ZC3H3: variants seen among roughly 807,000 people sequenced by gnomAD.
The protein encoded by ZC3H3 is zinc finger CCCH domain-containing protein 3.
In ZC3H3, 36 loss-of-function variants were observed where a neutral mutation model predicts 77.3. The ratio of observed to expected loss-of-function variants is 0.47; its 90% CI spans 0.36 to 0.61. The LOEUF is 0.61. Among genes scored for constraint, ZC3H3 ranks in the 20% least tolerant of loss-of-function variants. The pLI, the probability that ZC3H3 is intolerant of heterozygous loss-of-function variation, is 0.00. For missense variants in ZC3H3, 1,331 were observed against 1,312.2 expected (o/e 1.01, Z -0.22); for synonymous variants, 626 against 555.2 (o/e 1.13, Z -1.79).
At chr8:143,527,885 G>T (rs1038903679) in intron 3 of ZC3H3, among the ~76,000 whole-genome samples, 1 of 152,188 alleles carries the variant, frequency 6.6e-6, no homozygotes, top group African/African-American at 2.4e-5. Context: ...TTCACAGATA[G>T]GGCACCGAGC....
At chr8:143,510,632 G>A (rs1379558237) in intron 3 of ZC3H3, among the ~76,000 whole-genome samples, 3 of 152,234 alleles carry the variant, frequency 2.0e-5, no homozygotes, top group African/African-American at 7.2e-5. Context: ...GTGGGCAGGT[G>A]GCAAGGCTTG....
Position 143,470,857 on chromosome 8 carries a change from G to A in ZC3H3, c.1904-2198C>T, listed in dbSNP as rs1463512599. Among the ~76,000 whole-genome samples the A allele has an allele frequency of 2.0e-5, 3 of 152,310 alleles. No individual in the cohort carries two copies. In the East Asian group the frequency reaches 5.8e-4, roughly 29 times the overall value. ...AGGGCTGCCTGAGAAGTGCTAAAAAGTTCAACTGAATAACCCCCAGCAGCT... is the reference window on the plus strand; with the variant it reads ...AGGGCTGCCTGAGAAGTGCTAAAAAATTCAACTGAATAACCCCCAGCAGCT... On this transcript the variant is annotated intron_variant, in intron 5 of 11. Coordinates refer to ENST00000262577, the MANE Select transcript of ZC3H3 (RefSeq NM_015117.3).
intron 4 of ZC3H3, among the ~76,000 whole-genome samples, chr8:143,503,491 T>C (rs1300812480): frequency 1.3e-5 from 2 of 148,752 alleles, no homozygotes; most frequent in East Asian, 3.9e-4. Context: ...CACCCAGCCA[T>C]CTCCCGACCA....
Position 143,475,459 on chromosome 8 carries a change from G to A in ZC3H3, c.1842C>T (p.Asn614=), listed in dbSNP as rs1356506278. The A allele has an allele frequency of 4.3e-6, 7 of 1,613,086 alleles. No homozygotes were observed. In the East Asian group the frequency reaches 8.9e-5, roughly 21 times the overall value. Residue 614 remains asparagine (N), a synonymous_variant, in exon 5 of 12, where the codon AAC becomes AAT. Transcript: ENST00000262577. The stretch of plus-strand genomic sequence containing the variant: ...GCTGGCCGGAGGTCTTGGAGAGCTT[G>A]TTGGCAGATACTTTGTAGAGGACCC... ...IGGVLYKVSA[N]KLSKTSGQPS...
At chr8:143,492,227 C>T (rs925204584) in intron 4 of ZC3H3, among the ~76,000 whole-genome samples, 2 of 152,170 alleles carry the variant, frequency 1.3e-5, no homozygotes, top group Admixed American at 1.3e-4. Flanking sequence ...GTGTGCTGGC[C>T]TTGGAGGCCT....
Position 143,533,939 on chromosome 8 carries a change from G to A in ZC3H3, c.1561+2318C>T, listed in dbSNP as rs1822705531. Among the ~76,000 whole-genome samples the A allele has an allele frequency of 6.6e-6, 1 of 152,010 alleles. No individual in the cohort carries two copies. Among genetic ancestry groups the A allele is most frequent in the Non-Finnish European group, 1.5e-5 (1 of 67,988 alleles). On this transcript the variant is annotated intron_variant, in intron 3 of 11. Coordinates refer to ENST00000262577, the MANE Select transcript of ZC3H3 (RefSeq NM_015117.3). This position sits in a 1 kb window ranked among gnomAD's most constrained non-coding sequence, Gnocchi z 4.0. ...GATCCACCCGCCTCGGCCTCCCAGT[G>A]TGCTGGGATTACAGGCATGAGCCAC...
chr8:143,450,200 G>A (rs977337369), intron 9 of ZC3H3, among the ~76,000 whole-genome samples: 4 of 152,016 alleles, frequency 2.6e-5, no homozygotes, highest in Non-Finnish European at 1.5e-5. Context: ...TTTCTTTATT[G>A]AGACGGTGTC....
At chr8:143,532,255 C>T (rs975001052) in intron 3 of ZC3H3, among the ~76,000 whole-genome samples, 1 of 152,174 alleles carries the variant, frequency 6.6e-6, no homozygotes, top group African/African-American at 2.4e-5. Flanking sequence ...TGGACGGAGG[C>T]GATAGGAGGG....
intron 3 of ZC3H3, among the ~76,000 whole-genome samples, chr8:143,525,126 C>T (rs1174187860): frequency 1.0e-5 from 1 of 95,832 alleles, no homozygotes; most frequent in Non-Finnish European, 2.3e-5. Context: ...CGCACCTCGC[C>T]ATCTCCAGCC....
chr8:143,524,010 C>T (rs1361231579), intron 3 of ZC3H3, among the ~76,000 whole-genome samples: 4 of 152,224 alleles, frequency 2.6e-5, no homozygotes, highest in Non-Finnish European at 2.9e-5. Flanking sequence ...AGCTAGCCAG[C>T]GGGGGAGGGC....
At chr8:143,508,592 T>G (rs1821780119) in intron 3 of ZC3H3, among the ~76,000 whole-genome samples, 1 of 152,228 alleles carries the variant, frequency 6.6e-6, no homozygotes, top group Non-Finnish European at 1.5e-5. Context: ...TGCGTCTAAT[T>G]GCCCAGCTTG....
intron 3 of ZC3H3, among the ~76,000 whole-genome samples, chr8:143,534,198 G>A (rs775355311): frequency 6.6e-6 from 1 of 151,192 alleles, no homozygotes; most frequent in Non-Finnish European, 1.5e-5. Context: ...TTGAGCCCAG[G>A]AGGTTGAGGC....
At chr8:143,479,574 G>C (rs1820850018) in intron 4 of ZC3H3, among the ~76,000 whole-genome samples, 1 of 152,292 alleles carries the variant, frequency 6.6e-6, no homozygotes, top group South Asian at 2.1e-4. Flanking sequence ...GGCCAGGGAG[G>C]GAACAGTGCC....
chr8:143,516,562 CACACA>C lies in ZC3H3; in HGVS notation c.1562-8668_1562-8664del, dbSNP rs1563873747. Among the ~76,000 whole-genome samples the C allele has an allele frequency of 3.1e-3, 300 of 96,908 alleles. 1 individual carries two copies. The highest frequency in any genetic ancestry group is 0.013 in the African/African-American group (284 of 21,050). 63.6% of individuals were successfully genotyped at this position (96,908 alleles called of 152,430 possible). A position where few individuals can be genotyped will look rare whatever the true frequency, so the allele number is the denominator to read the frequency against. The stretch of plus-strand genomic sequence containing the variant: ...ACACACACACACACACACACACACA[CACACA>C]TACACACACACACTCACTCTCATGC... On this transcript the variant is annotated intron_variant, in intron 3 of 11. Coordinates refer to ENST00000262577, the MANE Select transcript of ZC3H3 (RefSeq NM_015117.3).
chr8:143,514,456 A>G (rs1035669570), intron 3 of ZC3H3, among the ~76,000 whole-genome samples: 3 of 152,312 alleles, frequency 2.0e-5, no homozygotes, highest in Non-Finnish European at 2.9e-5. Flanking sequence ...CACAGCAAAC[A>G]TGATCCTGCC....
rs140659746 is a variant in ZC3H3 at position 143,507,814 on chromosome 8, C to T, written c.1647G>A (p.Ser549=). 2.7e-5 allele frequency: 43 copies of T among 1,608,532 alleles called. No homozygotes were observed. In the East Asian group the frequency reaches 6.3e-4, roughly 23 times the overall value. The part of the protein sequence containing the change: ...RYRIVKKTPA[S]PLSAPPFPLS... ...GGGGGAAGGGCGGGGCGCTGAGAGG[C>T]GAGGCCGGCGTCTTCTTGACAATGC... The change falls in exon 4 of 12, where the codon TCG becomes TCA. Residue 549 remains serine, a synonymous_variant. Coordinates refer to ENST00000262577, the MANE Select transcript of ZC3H3 (RefSeq NM_015117.3).
At chr8:143,534,297 C>A (rs1001419331) in intron 3 of ZC3H3, among the ~76,000 whole-genome samples, 7 of 122,110 alleles carry the variant, frequency 5.7e-5, no homozygotes, top group East Asian at 5.5e-4. Flanking sequence ...AAAAAAAAAA[C>A]GACGAGATCA....
chr8:143,508,060 A>T (rs1388351920), intron 3 of ZC3H3, among the ~76,000 whole-genome samples, 161 bp from the exon 4 acceptor site: 1 of 152,222 alleles, frequency 6.6e-6, no homozygotes. Flanking sequence ...TGGCACACAC[A>T]TCCCCAGGGC....
Position 143,468,250 on chromosome 8 carries a change from C to T in ZC3H3, c.2134G>A (p.Asp712Asn). 1 of 1,613,086 alleles carries T rather than the reference C, an allele frequency of 6.2e-7. No homozygotes were observed. The highest frequency in any genetic ancestry group is 8.5e-7 in the Non-Finnish European group (1 of 1,179,966). The change falls in exon 8 of 12, where the codon GAT becomes AAT. Residue 712 changes from aspartate to asparagine, a missense_variant. Transcript: ENST00000262577. ...RFVRGTCKKT[D>N]GTCPFSHHVS... ...TGGTGGGAGAAGGGGCAGGTCCCAT[C>T]CGTTTTCTTGCAGGTGCCCCGGACA...
Sources: allele counts gnomAD v4.1 joint callset (sites outside exome capture counted in the v4.1 genomes callset), GRCh38; gene constraint gnomAD v4.1.1; non-coding constraint Gnocchi (gnomAD v3.1); transcripts MANE v1.5; gene names NCBI Gene and HGNC (gene_info 2026-07-23, HGNC 2026-07-21).